The following RBFOX1 variants were observed in gnomAD, a reference collection of about 807,000 sequenced individuals.
The protein encoded by RBFOX1 is RNA binding protein fox-1 homolog 1.
A neutral mutation model predicts 57.7 loss-of-function variants in RBFOX1; 8 were observed. The ratio of observed to expected loss-of-function variants is 0.14; its 90% confidence interval spans 0.08 to 0.25. The LOEUF is 0.25. Ranked by LOEUF, RBFOX1 falls within the 10% of genes least tolerant of loss-of-function variation. RBFOX1 has a pLI of 1.00. For missense variants in RBFOX1, 611 were observed against 548.5 expected (o/e 1.11, Z -1.14); for synonymous variants, 326 against 222.4 (o/e 1.47, Z -4.15).
intron 4 of RBFOX1, among the ~76,000 whole-genome samples, chr16:6,003,142 G>T (rs992749345): frequency 5.9e-5 from 9 of 152,104 alleles, no homozygotes; most frequent in Non-Finnish European, 1.0e-4. Context: ...AGCTGGGCGT[G>T]GTGGCGGGCG....
Position 5,256,622 on chromosome 16 carries a change from C to T in RBFOX1, c.219+16517C>T, listed in dbSNP as rs147896356. Among the ~76,000 whole-genome samples the T allele has an allele frequency of 1.2e-3, 190 of 152,144 alleles. 1 individual carries two copies. The highest frequency in any genetic ancestry group is 4.3e-3 in the African/African-American group (178 of 41,484). On this transcript the variant is annotated intron_variant, in intron 1 of 2. Coordinates refer to the RBFOX1 transcript ENST00000585867. ...TAATCTGTGAAATCATACTGGACCT[C>T]GAAGCTTTCTATTAAAAAAAATAGC... is the stretch of plus-strand genomic sequence containing the variant.
intron 3 of RBFOX1, among the ~76,000 whole-genome samples, chr16:5,798,327 G>A (rs1366572097): frequency 6.6e-6 from 1 of 152,208 alleles, no homozygotes; most frequent in African/African-American, 2.4e-5. Context: ...CTTCCAAGCA[G>A]TGTCGATTTC....
At chr16:5,896,811 C>T (rs1010546100) in intron 4 of RBFOX1, among the ~76,000 whole-genome samples, 4 of 152,032 alleles carry the variant, frequency 2.6e-5, no homozygotes, top group African/African-American at 9.7e-5. Flanking sequence ...AGTGTTCTTG[C>T]AAGTAACAGA....
intron 1 of RBFOX1, among the ~76,000 whole-genome samples, chr16:6,227,509 G>C (rs767759624): frequency 2.6e-5 from 4 of 152,200 alleles, no homozygotes; most frequent in Non-Finnish European, 4.4e-5. Context: ...CGTGGAGCCA[G>C]TGATACAGAA....
chr16:6,159,210 G>A (rs2152741083), intron 1 of RBFOX1, among the ~76,000 whole-genome samples: 1 of 152,200 alleles, frequency 6.6e-6, no homozygotes, highest in South Asian at 2.1e-4. Flanking sequence ...CCGAGTAGAT[G>A]GGTCTATAGA....
At chr16:6,941,246 C>A (rs567839630) in intron 3 of RBFOX1, among the ~76,000 whole-genome samples, 1 of 142,336 alleles carries the variant, frequency 7.0e-6, no homozygotes, top group African/African-American at 2.6e-5. Flanking sequence ...CCATCCCCTC[C>A]CATTCCCTCC....
chr16:6,794,810 A>G (rs966277478), intron 3 of RBFOX1, among the ~76,000 whole-genome samples: 34 of 152,084 alleles, frequency 2.2e-4, no homozygotes, highest in Admixed American at 6.5e-4. Flanking sequence ...TGGTACATGG[A>G]TTTTTATTTG....
At chr16:6,296,663 A>G (rs892240694) in intron 1 of RBFOX1, among the ~76,000 whole-genome samples, 8 of 152,030 alleles carry the variant, frequency 5.3e-5, no homozygotes, top group Non-Finnish European at 1.0e-4. Flanking sequence ...CTTGTGATCC[A>G]CCTGCCTCGG....
At chr16:7,268,137 G>C (rs1222031807) in intron 4 of RBFOX1, among the ~76,000 whole-genome samples, 4 of 152,148 alleles carry the variant, frequency 2.6e-5, no homozygotes, top group Non-Finnish European at 5.9e-5. Context: ...CAGTGTCCCT[G>C]CACCTCAATA....
chr16:6,770,371 G>A (rs1031384631), intron 3 of RBFOX1, among the ~76,000 whole-genome samples: 1 of 152,056 alleles, frequency 6.6e-6, no homozygotes, highest in South Asian at 2.1e-4. Context: ...CAGCCTGTGG[G>A]CCACATTTAC....
intron 5 of RBFOX1, among the ~76,000 whole-genome samples, chr16:7,539,388 A>C (rs950243434): frequency 1.3e-5 from 2 of 152,086 alleles, no homozygotes; most frequent in African/African-American, 4.8e-5. Context: ...ATCTCTCTCT[A>C]TTCCCAGTGC....
At chr16:5,815,452 C>T (rs1567577479) in intron 3 of RBFOX1, among the ~76,000 whole-genome samples, 2 of 152,116 alleles carry the variant, frequency 1.3e-5, no homozygotes, top group Non-Finnish European at 2.9e-5. Context: ...TCAGAAACCT[C>T]AGCCAGGGGT....
chr16:5,385,951 A>AT (rs60549807), intron 1 of RBFOX1, among the ~76,000 whole-genome samples: 7,327 of 152,142 alleles, frequency 0.048, 247 homozygotes, highest in East Asian at 0.13. Context: ...GCTGAACCAT[A>AT]TTTTTTTGTA....
intron 3 of RBFOX1, among the ~76,000 whole-genome samples, chr16:6,730,506 C>G (rs933193906): frequency 2.0e-5 from 3 of 152,180 alleles, no homozygotes; most frequent in African/African-American, 7.2e-5. Context: ...ATCTATCCAT[C>G]TATCTACCTG....
At chr16:7,696,452 A>C (rs3785198) in intron 14 of RBFOX1, among the ~76,000 whole-genome samples, 39,064 of 150,784 alleles carry the variant, frequency 0.26, 5,212 homozygotes, top group East Asian at 0.48. Context: ...GGAATTTTCC[A>C]GGGTGGGCTA....
chr16:6,545,770 T>G (rs2096886138), intron 2 of RBFOX1, among the ~76,000 whole-genome samples: 2 of 152,198 alleles, frequency 1.3e-5, no homozygotes, highest in South Asian at 4.1e-4. Flanking sequence ...TGATGGCATC[T>G]TTGTGAGGAA....
intron 3 of RBFOX1, among the ~76,000 whole-genome samples, chr16:5,794,572 C>T (rs745753863): frequency 2.2e-4 from 34 of 152,084 alleles, no homozygotes; most frequent in Non-Finnish European, 3.8e-4. Flanking sequence ...AGAGGTATAG[C>T]TGTCGGGCAG....
At chr16:5,988,972 G>T (rs1270525513) in intron 4 of RBFOX1, among the ~76,000 whole-genome samples, 1 of 152,056 alleles carries the variant, frequency 6.6e-6, no homozygotes, top group Non-Finnish European at 1.5e-5. Context: ...GACCTTGGGT[G>T]AGTTGCTTAC....
At chr16:5,693,786 C>G (rs917321980) in intron 3 of RBFOX1, among the ~76,000 whole-genome samples, 3 of 152,168 alleles carry the variant, frequency 2.0e-5, no homozygotes, top group Non-Finnish European at 4.4e-5. Flanking sequence ...CTTCCTCTCC[C>G]TTCTTATAAG....
Sources: gnomAD v4.1 joint callset for allele counts (sites outside exome capture counted in the v4.1 genomes callset) on GRCh38, gnomAD v4.1.1 for gene constraint, MANE v1.5 for transcripts, NCBI Gene and HGNC (gene_info 2026-07-23, HGNC 2026-07-21) for gene names.